COL4A5: variants seen among roughly 807,000 people sequenced by gnomAD.
COL4A5 encodes collagen alpha-5(IV) chain.
COL4A5 carries 26 observed loss-of-function variants against 130.2 expected under a neutral mutation model. The observed-to-expected ratio is 0.20, with a 90% CI of 0.15 to 0.28. The LOEUF is 0.28. Ranked by LOEUF, COL4A5 falls within the 10% of genes least tolerant of loss-of-function variation. The pLI is 1.00. For missense variants in COL4A5, 1,131 were observed against 1,344.3 expected, an observed-to-expected ratio of 0.84 and a Z score of 2.48; for synonymous variants, 496 against 439.6, an observed-to-expected ratio of 1.13 and a Z score of -1.60.
In COL4A5 at chrX:108,606,908, C is replaced by T. The variant is rs373910880; in HGVS notation, c.2395+16C>T. 2 of 1,209,110 alleles carry T rather than the reference C, an allele frequency of 1.7e-6. No homozygotes were observed. The highest frequency in any genetic ancestry group is 1.7e-5 in the African/African-American group (1 of 57,760). ...GGACCAAAAGGTATGGAGGCTGTCA[C>T]TGCATCTCAACTTGCTTTTAACTTT... On this transcript the variant is annotated intron_variant, in intron 29 of 52. Coordinates refer to ENST00000328300, the MANE Select transcript of COL4A5 (RefSeq NM_033380.3).
intron 30 of COL4A5, among the ~76,000 whole-genome samples, chrX:108,619,994 A>T (rs1023884677): frequency 8.9e-6 from 1 of 112,433 alleles, no homozygotes; most frequent in South Asian, 3.6e-4. Context: ...TTTATAAAAA[A>T]TATTAGTCTG....
chrX:108,454,153 A>G (rs906820678), intron 1 of COL4A5, among the ~76,000 whole-genome samples: 1 of 112,540 alleles, frequency 8.9e-6, no homozygotes, highest in African/African-American at 3.2e-5. Context: ...GAAGGAGTAG[A>G]TTTATCCGGA....
chrX:108,499,386 A>T (rs1224590965), intron 1 of COL4A5, among the ~76,000 whole-genome samples: 2 of 111,364 alleles, frequency 1.8e-5, no homozygotes, highest in Non-Finnish European at 3.8e-5. Context: ...TCTATTAAAT[A>T]TTTTTGGATC....
At chrX:108,472,202 A>C (rs188416405) in intron 1 of COL4A5, among the ~76,000 whole-genome samples, 98 of 111,892 alleles carry the variant, frequency 8.8e-4, no homozygotes, top group African/African-American at 3.0e-3. Context: ...ATTGGAGATT[A>C]CATTTTGTAT....
In COL4A5 at chrX:108,541,314, T is replaced by G. The variant is rs746090099; in HGVS notation, c.141+1509T>G. Among the ~76,000 whole-genome samples the G allele has an allele frequency of 3.6e-5, 4 of 111,712 alleles. No homozygotes were observed. The East Asian group carries it at 1.1e-3, about 31-fold the overall frequency. ...GGATTAACTTCATATAATAGTAGAG[T>G]GATGTTTATCAGATTAACTTTTGAG... On this transcript the variant is annotated intron_variant, in intron 2 of 52. Coordinates refer to ENST00000328300, the MANE Select transcript of COL4A5 (RefSeq NM_033380.3).
intron 1 of COL4A5, among the ~76,000 whole-genome samples, chrX:108,447,018 T>A (rs1049303298): frequency 9.0e-6 from 1 of 111,414 alleles, no homozygotes; most frequent in African/African-American, 3.3e-5. Flanking sequence ...ACTGATCTCT[T>A]CCCAGCTATA....
At chrX:108,633,201 A>T (rs1292151687) in intron 36 of COL4A5, among the ~76,000 whole-genome samples, 1 of 110,892 alleles carries the variant, frequency 9.0e-6, no homozygotes, top group Non-Finnish European at 1.9e-5. Flanking sequence ...ATTGAGGGGG[A>T]GAGAGAGGAA....
At chrX:108,564,930 A>C (rs962200726) in intron 4 of COL4A5, among the ~76,000 whole-genome samples, 1 of 111,569 alleles carries the variant, frequency 9.0e-6, no homozygotes, top group African/African-American at 3.3e-5. Context: ...GTACTGGAGA[A>C]GCAGGGAAGA....
At chrX:108,595,434 C>A (rs1417372613) in intron 21 of COL4A5, 75 bp from the exon 22 acceptor site, 3 of 931,968 alleles carry the variant, frequency 3.2e-6, no homozygotes, top group Non-Finnish European at 4.7e-6. Context: ...TTAGTGCTAA[C>A]ATTTTTAGAA....
intron 30 of COL4A5, among the ~76,000 whole-genome samples, chrX:108,616,449 T>A (rs1266326778): frequency 9.0e-6 from 1 of 110,978 alleles, no homozygotes; most frequent in African/African-American, 3.3e-5. Flanking sequence ...TTGACCAGGC[T>A]GGTCTCGAAC....
rs202125234 is a variant in COL4A5 at position 108,576,141 on chromosome X, CTAAG to C, written c.609+173_609+176del. 0.12 allele frequency among the ~76,000 whole-genome samples: 13,033 copies of C among 110,829 alleles called. 860 individuals are homozygous for C. Among genetic ancestry groups the C allele is most frequent in the Non-Finnish European group, 0.18 (9,650 of 52,783 alleles). The stretch of plus-strand genomic sequence containing the variant: ...AATGATATGGTGAATAATATGCATT[CTAAG>C]TAATGGCTCCATTTTATAGATGGAA... On this transcript the variant is annotated intron_variant, in intron 10 of 52. Transcript: ENST00000328300.
intron 1 of COL4A5, among the ~76,000 whole-genome samples, chrX:108,467,551 A>T (rs2064718713): frequency 8.9e-6 from 1 of 111,928 alleles, no homozygotes; most frequent in Admixed American, 9.5e-5. Flanking sequence ...AAGGCTGTTC[A>T]ATAGGGATTT....
At chrX:108,618,491 A>T (rs907926407) in intron 30 of COL4A5, among the ~76,000 whole-genome samples, 2 of 111,974 alleles carry the variant, frequency 1.8e-5, no homozygotes, top group African/African-American at 6.5e-5. Flanking sequence ...AGAGATAAAC[A>T]ATTGAAAAGC....
rs1339620289 is a variant in COL4A5, at chrX:108,694,733, T to C, written c.4707-74T>C. The C allele has an allele frequency of 6.3e-6, 5 of 798,160 alleles. No homozygotes were observed. In the African/African-American group the frequency reaches 1.0e-4, roughly 16 times the overall value. The allele number at this position is 798,160 out of a possible 1,213,427, so 65.8% of individuals were successfully genotyped here. Reference sequence around the variant, plus strand: ...AATCGGCTTCCATACTAAGAAGGCTTCCAATGAAGCAGGATGGCTACTTCT... The same window carrying C: ...AATCGGCTTCCATACTAAGAAGGCTCCCAATGAAGCAGGATGGCTACTTCT... On this transcript the variant is annotated intron_variant, in intron 50 of 52. Transcript: ENST00000328300.
intron 4 of COL4A5, among the ~76,000 whole-genome samples, chrX:108,564,227 A>G (rs1411438554): frequency 1.8e-5 from 2 of 111,571 alleles, no homozygotes; most frequent in East Asian, 5.6e-4. Flanking sequence ...TTAAAAATCT[A>G]TATCATATAG....
intron 2 of COL4A5, among the ~76,000 whole-genome samples, chrX:108,543,403 A>C (rs2065583054): frequency 9.0e-6 from 1 of 111,673 alleles, no homozygotes; most frequent in Admixed American, 9.5e-5. Flanking sequence ...GGTTTGTGAA[A>C]GATCAGAAAG....
chrX:108,650,041 G>A (rs2067688975), intron 36 of COL4A5, among the ~76,000 whole-genome samples: 1 of 108,831 alleles, frequency 9.2e-6, no homozygotes, highest in African/African-American at 3.4e-5. Flanking sequence ...ACTCTACAAC[G>A]AACTCAAACA....
chrX:108,539,679 CTGTAAGTCAGAGTCTGATT>C, intron 1 of COL4A5, 48 bp from the exon 2 acceptor site: 2 of 881,724 alleles, frequency 2.3e-6, no homozygotes, highest in Non-Finnish European at 3.4e-6. Context: ...TTCAGTTGAG[CTGTAAGTCAGAGTCTGATT>C]TTTGGGTTCA....
intron 3 of COL4A5, among the ~76,000 whole-genome samples, chrX:108,559,922 G>T (rs1406363371): frequency 9.0e-6 from 1 of 111,231 alleles, no homozygotes; most frequent in Non-Finnish European, 1.9e-5. Context: ...GAGGGTAGCT[G>T]TCCCTTATGA....
Sources: gnomAD v4.1 joint callset for allele counts (sites outside exome capture counted in the v4.1 genomes callset) on GRCh38, gnomAD v4.1.1 for gene constraint, MANE v1.5 for transcripts, NCBI Gene and HGNC (gene_info 2026-07-23, HGNC 2026-07-21) for gene names.